MTUS2: variants seen among roughly 807,000 people sequenced by gnomAD.
The protein encoded by MTUS2 is microtubule associated scaffold protein 2, also known as microtubule-associated tumor suppressor candidate 2.
A neutral mutation model predicts 114.1 loss-of-function variants in MTUS2; 40 were observed. The observed-to-expected ratio is 0.35, with a 90% confidence interval of 0.27 to 0.46. MTUS2 has a LOEUF of 0.46. Among genes scored for constraint, MTUS2 ranks in the 20% least tolerant of loss-of-function variants. The pLI, the probability that MTUS2 is intolerant of heterozygous loss-of-function variation, is 1.00. For synonymous variants in MTUS2, 688 were observed against 672.0 expected (o/e 1.02, Z -0.37); for missense variants, 1,679 against 1,705.4 (o/e 0.98, Z 0.27).
chr13:29,150,333 G>C (rs1237962228), intron 5 of MTUS2, among the ~76,000 whole-genome samples: 1 of 151,904 alleles, frequency 6.6e-6, no homozygotes, highest in Non-Finnish European at 1.5e-5. Flanking sequence ...TATGTTTATT[G>C]GCTCCTCGTA....
intron 2 of MTUS2, among the ~76,000 whole-genome samples, chr13:28,902,531 T>G (rs1050230355): frequency 6.6e-6 from 1 of 152,114 alleles, no homozygotes; most frequent in Non-Finnish European, 1.5e-5. Flanking sequence ...CTGAGAGTAT[T>G]TGTCATGAGT....
At chr13:29,195,134 C>T in intron 5 of MTUS2, among the ~76,000 whole-genome samples, 1 of 151,226 alleles carries the variant, frequency 6.6e-6, no homozygotes. Context: ...AGGAGATATA[C>T]CTAACGCTAA....
At chr13:29,373,724 A>G (rs1403605033) in intron 8 of MTUS2, among the ~76,000 whole-genome samples, 1 of 152,132 alleles carries the variant, frequency 6.6e-6, no homozygotes, top group Non-Finnish European at 1.5e-5. Flanking sequence ...GATAACCTGA[A>G]CTCTACCTCA....
chr13:29,500,936 C>T (rs1226243338), intron 14 of MTUS2, among the ~76,000 whole-genome samples, 161 bp from the exon 15 acceptor site: 1 of 152,164 alleles, frequency 6.6e-6, no homozygotes, highest in African/African-American at 2.4e-5. Context: ...AAATGCTGGT[C>T]ACATTCCTCT....
chr13:29,055,684 G>A (rs909345888), intron 4 of MTUS2, among the ~76,000 whole-genome samples: 6 of 152,032 alleles, frequency 3.9e-5, no homozygotes, highest in African/African-American at 7.2e-5. Flanking sequence ...TATTCCATAT[G>A]TATTCCCTTT....
At position 29,480,215 on chromosome 13, in the gene MTUS2, G is replaced by C. The variant is rs1380336295; in HGVS notation, c.3250G>C (p.Asp1084His). 1 of 1,555,444 alleles carries C rather than the reference G, an allele frequency of 6.4e-7. No individual in the cohort carries two copies. Among genetic ancestry groups the C allele is most frequent in the Admixed American group, 1.9e-5 (1 of 51,798 alleles). ...GGAGGAGCTGGAGAGGCGGTTCGAG[G>C]ACGAGGTGAAGAGGCTGGGCTGGCA... The part of the protein sequence containing the change: ...EKEELERRFE[D>H]EVKRLGWQQQ... Residue 1084 changes from aspartate (D) to histidine (H), a missense_variant, in exon 10 of 16, where the codon GAC becomes CAC. By Grantham distance (81) the Asp-to-His change is moderately conservative. This residue lies in a region of MTUS2 where 822 missense variants were observed against 899.7 expected (regional missense o/e 0.91). Coordinates refer to ENST00000612955, the MANE Select transcript of MTUS2 (RefSeq NM_001033602.4). This position sits in a 1 kb window ranked among gnomAD's most constrained non-coding sequence, Gnocchi z 4.4.
intron 8 of MTUS2, among the ~76,000 whole-genome samples, chr13:29,430,402 T>C (rs1372976295): frequency 6.6e-6 from 1 of 152,146 alleles, no homozygotes; most frequent in African/African-American, 2.4e-5. Context: ...ATTCAGAGAT[T>C]TTGGAAGATA....
intron 5 of MTUS2, among the ~76,000 whole-genome samples, chr13:29,130,314 T>C (rs1891702810): frequency 6.6e-6 from 1 of 152,180 alleles, no homozygotes; most frequent in African/African-American, 2.4e-5. Flanking sequence ...GTCCCATTCT[T>C]CCCTGACCCT....
At chr13:29,391,863 C>A (rs912335372) in intron 8 of MTUS2, among the ~76,000 whole-genome samples, 3 of 151,886 alleles carry the variant, frequency 2.0e-5, no homozygotes, top group Non-Finnish European at 4.4e-5. Flanking sequence ...TTTGGCCGGG[C>A]GCAGTGGCTC....
chr13:29,350,986 T>TATATA (rs1369324838), intron 7 of MTUS2, among the ~76,000 whole-genome samples: 5 of 142,906 alleles, frequency 3.5e-5, no homozygotes, highest in African/African-American at 5.2e-5. Context: ...TATATATATC[T>TATATA]TCAGAGGACA....
intron 5 of MTUS2, among the ~76,000 whole-genome samples, chr13:29,138,241 C>G (rs1276411363): frequency 6.6e-6 from 1 of 151,962 alleles, no homozygotes; most frequent in Non-Finnish European, 1.5e-5. Flanking sequence ...AAATTAACTA[C>G]AATTTGCTAT....
At chr13:28,986,080 A>G (rs1593357399) in intron 2 of MTUS2, among the ~76,000 whole-genome samples, 2 of 152,124 alleles carry the variant, frequency 1.3e-5, no homozygotes, top group Middle Eastern at 3.4e-3. Flanking sequence ...ATAGGAGATG[A>G]TGGCTTCCAA....
intron 7 of MTUS2, among the ~76,000 whole-genome samples, chr13:29,340,605 A>G (rs4590988): frequency 0.81 from 123,270 of 152,106 alleles, 50,850 homozygotes; most frequent in East Asian, 0.9. Context: ...TGAATAGATT[A>G]TCTGTCTCTG....
At chr13:29,315,621 G>T (rs1899955551) in intron 6 of MTUS2, among the ~76,000 whole-genome samples, 1 of 152,162 alleles carries the variant, frequency 6.6e-6, no homozygotes, top group Non-Finnish European at 1.5e-5. Flanking sequence ...CTAGAAAAGG[G>T]TGACAACTGG....
intron 5 of MTUS2, among the ~76,000 whole-genome samples, chr13:29,276,112 T>TAGATGC (rs1898053574): frequency 6.6e-6 from 1 of 152,216 alleles, no homozygotes; most frequent in Non-Finnish European, 1.5e-5. Flanking sequence ...GAGATTTTGA[T>TAGATGC]AGATGCAGTT....
intron 4 of MTUS2, among the ~76,000 whole-genome samples, chr13:29,099,075 A>G (rs561244553): frequency 1.3e-5 from 2 of 152,354 alleles, no homozygotes; most frequent in African/African-American, 2.4e-5. Flanking sequence ...GATATCTGAT[A>G]TATAGGGATA....
intron 2 of MTUS2, among the ~76,000 whole-genome samples, chr13:29,007,548 G>T (rs1885653804): frequency 6.6e-6 from 1 of 152,166 alleles, no homozygotes; most frequent in Non-Finnish European, 1.5e-5. Context: ...CTTTAACTGT[G>T]TGAGTCTACT....
chr13:29,248,180 AAGCGGG>A lies in MTUS2; in HGVS notation c.2645-33520_2645-33515del, dbSNP rs1896993634. Among the ~76,000 whole-genome samples, 3 of 152,170 alleles carry A rather than the reference AAGCGGG, an allele frequency of 2.0e-5. No homozygotes were observed. The South Asian group carries it at 6.2e-4, about 32-fold the overall frequency. On this transcript the variant is annotated intron_variant, in intron 5 of 15. Transcript: ENST00000612955. ...CCAAACATCATATGTTCTCACTCAA[AAGCGGG>A]AGCTAAGCTATGAGGATGCAAAGGT...
intron 1 of MTUS2, among the ~76,000 whole-genome samples, chr13:28,838,741 T>C (rs889663856): frequency 1.9e-4 from 29 of 152,178 alleles, no homozygotes; most frequent in Non-Finnish European, 2.8e-4. Context: ...AAGAGTCTTA[T>C]GTTGCAAGGG....
Sources: gnomAD v4.1 joint callset for allele counts (sites outside exome capture counted in the v4.1 genomes callset) on GRCh38, gnomAD v4.1.1 for gene constraint, gnomAD v4.1.1 regional missense constraint, Gnocchi (gnomAD v3.1) non-coding constraint, MANE v1.5 for transcripts, NCBI Gene and HGNC (gene_info 2026-07-23, HGNC 2026-07-21) for gene names.